Variants in ARVCF observed in about 807,000 individuals in gnomAD.
The protein encoded by ARVCF is ARVCF delta catenin family member.
Under a neutral mutation model 90.9 loss-of-function variants are expected in ARVCF, and 66 were observed. The observed-to-expected ratio is 0.73, with a 90% CI of 0.60 to 0.89. ARVCF has a LOEUF of 0.89. Ranked by LOEUF, ARVCF falls within the 40% of genes least tolerant of loss-of-function variation. The pLI is 0.00. For synonymous variants in ARVCF, 653 were observed against 603.4 expected (o/e 1.08, Z -1.21); for missense variants, 1,469 against 1,382.3 (o/e 1.06, Z -1.00).
At chr22:19,993,819 G>A (rs575228489) in intron 2 of ARVCF, among the ~76,000 whole-genome samples, 42 of 152,320 alleles carry the variant, frequency 2.8e-4, no homozygotes, top group Admixed American at 1.9e-3. Context: ...TGGAAAGGTC[G>A]GGGCTAAACT....
At chr22:19,988,913 G>A (rs1478565081) in intron 3 of ARVCF, among the ~76,000 whole-genome samples, 1 of 152,198 alleles carries the variant, frequency 6.6e-6, no homozygotes, top group Non-Finnish European at 1.5e-5. Context: ...GTAGCCTGAG[G>A]TCTTGAAGTC....
At chr22:19,969,314 G>A (rs551937723), downstream of ARVCF, 90 of 154,350 alleles carry the variant, frequency 5.8e-4, 1 homozygote, top group South Asian at 0.01. Flanking sequence ...CCAAGCAGGC[G>A]CTGGGGACAG....
In ARVCF at chr22:19,981,403, G is replaced by C. The variant is rs1186218913; in HGVS notation, c.704C>G (p.Ala235Gly). 1.9e-6 allele frequency: 3 copies of C among 1,584,292 alleles called. No homozygotes were observed. Among genetic ancestry groups the C allele is most frequent in the Non-Finnish European group, 2.6e-6 (3 of 1,167,784 alleles). ...GCFTLPGHRE[A>G]FPVGPEPGPP... ...CCCAGGCTCAGGACCCACCGGGAAG[G>C]CTTCCCGGTGGCCAGGCAGTGTGAA... Residue 235 changes from alanine (A) to glycine (G), a missense_variant, in exon 5 of 20, where the codon GCC becomes GGC. Ala to Gly is a moderately conservative substitution (Grantham distance 60). Coordinates refer to ENST00000263207, the MANE Select transcript of ARVCF (RefSeq NM_001670.3).
Position 19,981,977 on chromosome 22 carries a change from T to A in ARVCF, c.325A>T (p.Ile109Phe). The A allele has an allele frequency of 6.2e-7, 1 of 1,613,026 alleles. No homozygotes were observed. The highest frequency in any genetic ancestry group is 2.2e-5 in the East Asian group (1 of 44,852). ...DPGTPTSHVS[I>F]VTSEDGTTRR... is the part of the protein sequence containing the mutation. ...GTTGTGCCATCTTCGGATGTGACAA[T>A]AGACACATGGGAAGTGGGTGTGCCG... The change falls in exon 4 of 20, where the codon ATT becomes TTT. Residue 109 changes from isoleucine to phenylalanine, a missense_variant. By Grantham distance (21) the Ile-to-Phe change is conservative. Coordinates refer to ENST00000263207, the MANE Select transcript of ARVCF (RefSeq NM_001670.3).
chr22:19,979,221 G>A, intron 6 of ARVCF, 141 bp from the exon 7 acceptor site: 2 of 912,114 alleles, frequency 2.2e-6, no homozygotes, highest in Non-Finnish European at 3.2e-6. Context: ...AGCCGTGAGT[G>A]GTTCCGGGGG....
rs369256180 is a variant in ARVCF at position 19,981,398 on chromosome 22, G to A, written c.709C>T (p.Pro237Ser). The change falls in exon 5 of 20, where the codon CCG becomes TCG. Residue 237 changes from proline to serine, a missense_variant. Coordinates refer to ENST00000263207, the MANE Select transcript of ARVCF (RefSeq NM_001670.3). ...FTLPGHREAF[P>S]VGPEPGPPGG... ...GGTGGCCCAGGCTCAGGACCCACCG[G>A]GAAGGCTTCCCGGTGGCCAGGCAGT... The A allele has an allele frequency of 6.3e-6, 10 of 1,589,564 alleles. No homozygotes were observed. Among genetic ancestry groups the A allele is most frequent in the African/African-American group, 4.0e-5 (3 of 74,350 alleles).
At chr22:19,983,496 A>C (rs1173446153) in intron 3 of ARVCF, among the ~76,000 whole-genome samples, 1 of 152,212 alleles carries the variant, frequency 6.6e-6, no homozygotes, top group East Asian at 1.9e-4. Flanking sequence ...CATGCAGTGC[A>C]GGTGTCCAGG....
At chr22:19,974,486 G>T (rs1255409811) in intron 11 of ARVCF, among the ~76,000 whole-genome samples, 1 of 152,084 alleles carries the variant, frequency 6.6e-6, no homozygotes, top group Non-Finnish European at 1.5e-5. Flanking sequence ...CATCCAGGAG[G>T]CCTGGGGTGG....
At chr22:20,010,805 C>T (rs1299855257) in intron 1 of ARVCF, among the ~76,000 whole-genome samples, 2 of 152,206 alleles carry the variant, frequency 1.3e-5, no homozygotes, top group African/African-American at 4.8e-5. Context: ...TGACGTCTTC[C>T]CCATCACACA....
Position 19,971,326 on chromosome 22 carries a change from T to G in ARVCF, c.2791A>C (p.Ser931Arg). The change falls in exon 19 of 20, where the codon AGC becomes CGC. Residue 931 changes from serine to arginine, a missense_variant. Coordinates refer to ENST00000263207, the MANE Select transcript of ARVCF (RefSeq NM_001670.3). ...SEKEPLKLDP[S>R]RKAPPPGPSR... ...GGCCCGGGGGGAGGGGCCTTCCTGC[T>G]GGGGTCGAGCTGCAGCGCACGGGTG... 6.4e-7 allele frequency: 1 copy of G among 1,553,760 alleles called. No individual in the cohort carries two copies. The highest frequency in any genetic ancestry group is 8.7e-7 in the Non-Finnish European group (1 of 1,148,656).
chr22:19,987,727 C>T (rs1019254341), intron 3 of ARVCF, among the ~76,000 whole-genome samples: 40 of 152,034 alleles, frequency 2.6e-4, no homozygotes, highest in African/African-American at 8.9e-4. Context: ...CCTGCCCAGC[C>T]GCCACTCTGA....
chr22:19,992,119 C>CA (rs1302413969), intron 2 of ARVCF, among the ~76,000 whole-genome samples: 6 of 152,210 alleles, frequency 3.9e-5, no homozygotes, highest in African/African-American at 1.4e-4. Context: ...GACATGGGTG[C>CA]ACCTCATAGG....
chr22:19,965,872 TC>T (rs1487997523), downstream of ARVCF, among the ~76,000 whole-genome samples: 31 of 152,076 alleles, frequency 2.0e-4, no homozygotes, highest in Non-Finnish European at 3.4e-4. Flanking sequence ...GGAGGGGGGC[TC>T]ACCCCTGACA....
intron 18 of ARVCF, 68 bp from the exon 19 acceptor site, chr22:19,971,403 G>A (rs2146219449): frequency 6.7e-7 from 1 of 1,497,348 alleles, no homozygotes; most frequent in South Asian, 1.3e-5. Flanking sequence ...GGGGGACAGG[G>A]CAGGGGCAGG....
rs1942659451 is a variant in ARVCF at position 19,970,023 on chromosome 22, G to A, written c.*733C>T. ...TCTGTTTCTGAGTCACGAACAGCAGGCACTGAAAGCAGTCCCCCAGCCACT... is the reference window on the plus strand; with the variant it reads ...TCTGTTTCTGAGTCACGAACAGCAGACACTGAAAGCAGTCCCCCAGCCACT... On this transcript the variant is annotated 3_prime_UTR_variant, in exon 20 of 20. Transcript: ENST00000263207. 2.0e-6 allele frequency: 2 copies of A among 985,586 alleles called. No individual in the cohort carries two copies. Among genetic ancestry groups the A allele is most frequent in the Non-Finnish European group, 2.4e-6 (2 of 829,934 alleles). 61.1% of individuals were successfully genotyped at this position (985,586 alleles called of 1,614,324 possible).
intron 2 of ARVCF, among the ~76,000 whole-genome samples, chr22:19,993,471 C>T (rs961546314): frequency 5.9e-5 from 9 of 152,204 alleles, no homozygotes; most frequent in Non-Finnish European, 8.8e-5. Flanking sequence ...ACCGGATTTG[C>T]TTTTGCTAGA....
intron 1 of ARVCF, among the ~76,000 whole-genome samples, chr22:20,012,416 G>A (rs5748497): frequency 6.6e-6 from 1 of 152,354 alleles, no homozygotes; most frequent in East Asian, 1.9e-4. Context: ...CTGGGCAGTG[G>A]ACGGACAGAG....
chr22:19,981,842 C>T (rs1380221349), intron 4 of ARVCF, 91 bp downstream of exon 4: 1 of 1,556,172 alleles, frequency 6.4e-7, no homozygotes, highest in Non-Finnish European at 8.7e-7. Flanking sequence ...TGAGAGGCCC[C>T]ACGTGGCAAG....
intron 2 of ARVCF, among the ~76,000 whole-genome samples, chr22:19,991,093 C>T (rs1944008906): frequency 6.6e-6 from 1 of 152,260 alleles, no homozygotes. Flanking sequence ...GGCTTGGAGC[C>T]CGCTGGGAAG....
Sources: allele counts gnomAD v4.1 joint callset (sites outside exome capture counted in the v4.1 genomes callset), GRCh38; gene constraint gnomAD v4.1.1; transcripts MANE v1.5; gene names NCBI Gene and HGNC (gene_info 2026-07-23, HGNC 2026-07-21).